The following MYT1 variants were observed in gnomAD, a reference collection of about 807,000 sequenced individuals.
The protein encoded by MYT1 is myelin transcription factor 1.
Under a neutral mutation model 123.0 loss-of-function variants are expected in MYT1, and 23 were observed. The observed-to-expected ratio is 0.19, with a 90% confidence interval of 0.13 to 0.26. The LOEUF (loss-of-function observed/expected upper bound fraction) is 0.26. Ranked by LOEUF, MYT1 falls within the 10% of genes least tolerant of loss-of-function variation. MYT1 has a pLI of 1.00. For synonymous variants in MYT1, 518 were observed against 575.3 expected (o/e 0.90, Z 1.43); for missense variants, 1,125 against 1,472.5 (o/e 0.76, Z 3.86).
At chr20:64,239,301 G>A (rs148455618) in intron 21 of MYT1, among the ~76,000 whole-genome samples, 2 of 152,160 alleles carry the variant, frequency 1.3e-5, no homozygotes, top group African/African-American at 4.8e-5. Context: ...CACTCCACGG[G>A]GGGGTGCAGT....
intron 1 of MYT1, among the ~76,000 whole-genome samples, chr20:64,171,834 C>G (rs929173255): frequency 1.3e-5 from 2 of 148,366 alleles, no homozygotes; most frequent in Non-Finnish European, 3.0e-5. Flanking sequence ...TCTGGAGGAA[C>G]CCAAACCCTA....
At position 64,213,389 on chromosome 20, in the gene MYT1, A is replaced by G. The variant is rs1983740307; in HGVS notation, c.1518-145A>G. 1.6e-6 allele frequency: 1 copy of G among 621,532 alleles called. No individual in the cohort carries two copies. Among genetic ancestry groups the G allele is most frequent in the Non-Finnish European group, 2.9e-6 (1 of 348,524 alleles). 38.5% of individuals were successfully genotyped at this position (621,532 alleles called of 1,614,324 possible). On this transcript the variant is annotated intron_variant, in intron 9 of 22. Coordinates refer to ENST00000328439, the MANE Select transcript of MYT1 (RefSeq NM_004535.3). The surrounding 1 kb of genome is among the most constrained non-coding windows in gnomAD (Gnocchi z 5.6). ...CCCTGTCCTGCAGAATGACAGGGTTATTCCCGGCTCTGGGCTTCTCTGGAG... is the reference window on the plus strand; with the variant it reads ...CCCTGTCCTGCAGAATGACAGGGTTGTTCCCGGCTCTGGGCTTCTCTGGAG...
rs1017940732 is a variant in MYT1, at chr20:64,196,588, G to A, written c.1-2274G>A. Among the ~76,000 whole-genome samples, 4 of 152,200 alleles carry A rather than the reference G, an allele frequency of 2.6e-5. No individual in the cohort carries two copies. The highest frequency in any genetic ancestry group is 1.9e-4 in the East Asian group (1 of 5,206). ...AAGAGCCTGGTTTATTTTTTCTTCGGTAGTTCAGTTTTTTTCCCTTTAAAA... is the reference window on the plus strand; with the variant it reads ...AAGAGCCTGGTTTATTTTTTCTTCGATAGTTCAGTTTTTTTCCCTTTAAAA... On this transcript the variant is annotated intron_variant, in intron 2 of 22. Coordinates refer to ENST00000328439, the MANE Select transcript of MYT1 (RefSeq NM_004535.3). This position sits in a 1 kb window ranked among gnomAD's most constrained non-coding sequence, Gnocchi z 4.3.
At chr20:64,205,994 G>A (rs1360758728) in intron 6 of MYT1, among the ~76,000 whole-genome samples, 194 bp downstream of exon 6, 3 of 152,204 alleles carry the variant, frequency 2.0e-5, no homozygotes, top group Non-Finnish European at 4.4e-5. Flanking sequence ...CCTGTGGTGT[G>A]TTTGTGTGTG....
At chr20:64,216,810 A>G (rs976240911) in intron 10 of MYT1, among the ~76,000 whole-genome samples, 8 of 152,188 alleles carry the variant, frequency 5.3e-5, no homozygotes, top group African/African-American at 1.9e-4. Flanking sequence ...AGGACAGGCC[A>G]TTGATTATTT....
In MYT1 at chr20:64,203,097, C is replaced by T. The variant is rs553024242; in HGVS notation, c.87-1938C>T. Among the ~76,000 whole-genome samples, 1 of 152,282 alleles carries T rather than the reference C, an allele frequency of 6.6e-6. No homozygotes were observed. The highest frequency in any genetic ancestry group is 1.5e-5 in the Non-Finnish European group (1 of 68,018). On this transcript the variant is annotated intron_variant, in intron 4 of 22. Coordinates refer to ENST00000328439, the MANE Select transcript of MYT1 (RefSeq NM_004535.3). The surrounding 1 kb of genome is among the most constrained non-coding windows in gnomAD (Gnocchi z 5.1). Reference sequence around the variant, plus strand: ...GGGTTTCCAGCTTCCTGTCCCCGAGCGGCCTTGTCCGCTCCACGCACTTGG... The same window carrying T: ...GGGTTTCCAGCTTCCTGTCCCCGAGTGGCCTTGTCCGCTCCACGCACTTGG...
At chr20:64,214,855 T>C (rs3003141) in intron 10 of MYT1, among the ~76,000 whole-genome samples, 96,501 of 152,170 alleles carry the variant, frequency 0.63, 33,182 homozygotes, top group African/African-American at 0.89. Context: ...TTGGCAAAGT[T>C]CCAGCCAGAT....
In MYT1 at chr20:64,191,734, C is replaced by T. The variant is rs1568702965; in HGVS notation, c.-1+1574C>T. On this transcript the variant is annotated intron_variant, in intron 2 of 22. Transcript: ENST00000328439. This position sits in a 1 kb window ranked among gnomAD's most constrained non-coding sequence, Gnocchi z 4.1. ...TTTGGCTCCCGCAGGATTATCAGTGCTCTGCTGATCCATGTTGGAGCCTGG... is the reference window on the plus strand; with the variant it reads ...TTTGGCTCCCGCAGGATTATCAGTGTTCTGCTGATCCATGTTGGAGCCTGG... 6.6e-6 allele frequency: 1 copy of T among 152,188 alleles called. No individual in the cohort carries two copies. The highest frequency in any genetic ancestry group is 1.5e-5 in the Non-Finnish European group (1 of 68,046). 9.4% of individuals were successfully genotyped at this position (152,188 alleles called of 1,614,324 possible). A position where few individuals can be genotyped will look rare whatever the true frequency, so the allele number is the denominator to read the frequency against.
intron 16 of MYT1, among the ~76,000 whole-genome samples, chr20:64,224,866 T>C (rs1428874712): frequency 6.6e-6 from 1 of 152,242 alleles, no homozygotes; most frequent in Non-Finnish European, 1.5e-5. Context: ...CACCATGTCC[T>C]TTCTGTCCTG....
At chr20:64,178,051 G>A (rs867410518) in intron 1 of MYT1, among the ~76,000 whole-genome samples, 6 of 152,122 alleles carry the variant, frequency 3.9e-5, no homozygotes, top group East Asian at 1.9e-4. Context: ...GAGGTGGAGC[G>A]TCCTGCCCGG....
At chr20:64,172,757 T>A (rs1397870930) in intron 1 of MYT1, among the ~76,000 whole-genome samples, 1 of 146,036 alleles carries the variant, frequency 6.8e-6, no homozygotes, top group Non-Finnish European at 1.5e-5. Context: ...TTTTTTTTTT[T>A]TTTTTTTGAA....
At position 64,232,449 on chromosome 20, in the gene MYT1, G is replaced by T; in HGVS notation, c.2897+64G>T. On this transcript the variant is annotated intron_variant, in intron 19 of 22. Transcript: ENST00000328439. This position sits in a 1 kb window ranked among gnomAD's most constrained non-coding sequence, Gnocchi z 6.9. ...GTAGGGACCCTCGCCTGGGGCCTGG[G>T]GCTGAAGCTCCTGAGGGAGGGCCAG... 3.3e-6 allele frequency: 5 copies of T among 1,532,894 alleles called. No individual in the cohort carries two copies. Among genetic ancestry groups the T allele is most frequent in the Middle Eastern group, 1.7e-4 (1 of 5,862 alleles). 95.0% of individuals were successfully genotyped at this position (1,532,894 alleles called of 1,614,324 possible).
chr20:64,189,717 A>G lies in MYT1; in HGVS notation c.-98-346A>G, dbSNP rs1982911659. 6.6e-6 allele frequency among the ~76,000 whole-genome samples: 1 copy of G among 152,174 alleles called. No individual in the cohort carries two copies. The highest frequency in any genetic ancestry group is 2.1e-4 in the South Asian group (1 of 4,822). On this transcript the variant is annotated intron_variant, in intron 1 of 22. Coordinates refer to ENST00000328439, the MANE Select transcript of MYT1 (RefSeq NM_004535.3). This position sits in a 1 kb window ranked among gnomAD's most constrained non-coding sequence, Gnocchi z 5.5. ...TTAGTCAGCTCATTTTCAAAGTTGG[A>G]GGGGTGACATGCCAAGTTTTCTCAA...
intron 4 of MYT1, among the ~76,000 whole-genome samples, chr20:64,201,946 C>CCCCG (rs1983322040): frequency 1.2e-4 from 17 of 138,638 alleles, no homozygotes; most frequent in African/African-American, 4.2e-4. Context: ...TGTCGGGAAC[C>CCCCG]TCTGCGTGTC....
intron 19 of MYT1, among the ~76,000 whole-genome samples, chr20:64,235,786 G>A (rs1485009688): frequency 1.5e-5 from 1 of 68,204 alleles, no homozygotes; most frequent in African/African-American, 9.5e-5. Flanking sequence ...TGGGATGGCT[G>A]TGGTGGGTGA....
Position 64,223,171 on chromosome 20 carries a change from C to A in MYT1, c.2457C>A (p.Arg819=), listed in dbSNP as rs905349380. The A allele has an allele frequency of 6.2e-7, 1 of 1,614,224 alleles. No individual in the cohort carries two copies. Among genetic ancestry groups the A allele is most frequent in the Non-Finnish European group, 8.5e-7 (1 of 1,180,038 alleles). Residue 819 remains arginine, a splice_region_variant and synonymous_variant, in exon 15 of 23, where the codon CGC becomes CGA. Coordinates refer to ENST00000328439, the MANE Select transcript of MYT1 (RefSeq NM_004535.3). ...TCACCGGGAACTACGCCTCCCACCG[C>A]AGGTTTGTCTCCTGCTCGGGTCCGT... ...GHITGNYASH[R]SLSGCPLADK... is the part of the protein sequence containing the mutation.
At position 64,189,377 on chromosome 20, in the gene MYT1, C is replaced by G. The variant is rs892950028; in HGVS notation, c.-98-686C>G. Reference sequence around the variant, plus strand: ...TACACAATGCGTTTCTTTGTCATGTCCAGCTGATGCGTTCAGCCTCTGCTC... The same window carrying G: ...TACACAATGCGTTTCTTTGTCATGTGCAGCTGATGCGTTCAGCCTCTGCTC... On this transcript the variant is annotated intron_variant, in intron 1 of 22. Coordinates refer to ENST00000328439, the MANE Select transcript of MYT1 (RefSeq NM_004535.3). The surrounding 1 kb of genome is among the most constrained non-coding windows in gnomAD (Gnocchi z 5.5). 3.9e-5 allele frequency among the ~76,000 whole-genome samples: 6 copies of G among 152,184 alleles called. No homozygotes were observed. The highest frequency in any genetic ancestry group is 8.8e-5 in the Non-Finnish European group (6 of 68,036).
At chr20:64,227,774 T>TCCCAA in intron 17 of MYT1, 114 bp from the exon 18 acceptor site, 1 of 864,496 alleles carries the variant, frequency 1.2e-6, no homozygotes, top group Non-Finnish European at 1.8e-6. Flanking sequence ...TTGCCCTCAC[T>TCCCAA]CCCTCCCACC....
chr20:64,208,001 G>T lies in MYT1; in HGVS notation c.805G>T (p.Glu269Ter). The change falls in exon 7 of 23, where the codon GAG becomes TAG. Residue 269 changes from glutamate to a stop codon, truncating the protein, a stop_gained. Transcript: ENST00000328439. LOFTEE classifies it high-confidence loss of function. This position sits in a 1 kb window ranked among gnomAD's most constrained non-coding sequence, Gnocchi z 5.4. ...EEDEEEEEEEEEEEEDEEEEE... is the reference protein window; with the variant it reads ...EEDEEEEEEE Reference sequence around the variant, plus strand: ...GGACGAGGAGGAGGAGGAGGAGGAAGAGGAGGAGGAGGAGGATGAAGAAGA... The same window carrying T: ...GGACGAGGAGGAGGAGGAGGAGGAATAGGAGGAGGAGGAGGATGAAGAAGA... 6.5e-7 allele frequency: 1 copy of T among 1,539,906 alleles called. No individual in the cohort carries two copies.
Sources: gnomAD v4.1 joint callset for allele counts (sites outside exome capture counted in the v4.1 genomes callset) on GRCh38, gnomAD v4.1.1 for gene constraint, Gnocchi (gnomAD v3.1) non-coding constraint, MANE v1.5 for transcripts, NCBI Gene and HGNC (gene_info 2026-07-23, HGNC 2026-07-21) for gene names.